The following AUTS2 variants were observed in gnomAD, a reference collection of about 807,000 sequenced individuals.
AUTS2 encodes activator of transcription and developmental regulator AUTS2.
AUTS2 carries 17 observed loss-of-function variants against 112.4 expected under a neutral mutation model. The ratio of observed to expected loss-of-function variants is 0.15; its 90% CI spans 0.10 to 0.23. The LOEUF (loss-of-function observed/expected upper bound fraction) is 0.23. Among genes scored for constraint, AUTS2 ranks in the 10% least tolerant of loss-of-function variants. AUTS2 has a pLI of 1.00. For missense variants in AUTS2, 1,510 were observed against 1,701.6 expected (o/e 0.89, Z 1.98); for synonymous variants, 751 against 702.7 (o/e 1.07, Z -1.09).
intron 1 of AUTS2, among the ~76,000 whole-genome samples, chr7:69,804,141 C>T (rs945215056): frequency 2.6e-5 from 4 of 152,050 alleles, no homozygotes; most frequent in African/African-American, 4.8e-5. Flanking sequence ...CCCTGGTGAG[C>T]AATAAGTTAA....
At chr7:70,110,082 T>C (rs376177208) in intron 2 of AUTS2, among the ~76,000 whole-genome samples, 2 of 152,212 alleles carry the variant, frequency 1.3e-5, no homozygotes, top group Admixed American at 6.5e-5. Flanking sequence ...AGTAGAACAT[T>C]GTTAAGTTCT....
intron 4 of AUTS2, among the ~76,000 whole-genome samples, chr7:70,150,048 A>C (rs1218202828): frequency 6.6e-6 from 1 of 152,096 alleles, no homozygotes; most frequent in Non-Finnish European, 1.5e-5. Flanking sequence ...TTATTAAGCC[A>C]AGATTTATTA....
At chr7:69,692,308 T>A (rs112873703) in intron 1 of AUTS2, among the ~76,000 whole-genome samples, 3 of 152,346 alleles carry the variant, frequency 2.0e-5, no homozygotes, top group African/African-American at 7.2e-5. Flanking sequence ...GAGGAGTTTT[T>A]ATAGAAACAC....
chr7:70,432,695 T>C (rs894377180), intron 4 of AUTS2, among the ~76,000 whole-genome samples: 1 of 152,206 alleles, frequency 6.6e-6, no homozygotes, highest in Non-Finnish European at 1.5e-5. Flanking sequence ...CGCTGTTTGC[T>C]GAGTGCATTT....
At chr7:69,832,044 G>A (rs1012093744) in intron 1 of AUTS2, among the ~76,000 whole-genome samples, 1 of 151,968 alleles carries the variant, frequency 6.6e-6, no homozygotes, top group East Asian at 1.9e-4. Flanking sequence ...TTGAACCTAT[G>A]GTAATCCCTA....
chr7:70,453,511 G>A (rs1024512780), intron 5 of AUTS2, among the ~76,000 whole-genome samples: 5 of 152,186 alleles, frequency 3.3e-5, no homozygotes, highest in African/African-American at 9.6e-5. Flanking sequence ...CAAACTTGGC[G>A]GCTTAAAACA....
At chr7:70,595,102 A>G (rs958286344) in intron 5 of AUTS2, among the ~76,000 whole-genome samples, 7 of 151,734 alleles carry the variant, frequency 4.6e-5, no homozygotes, top group Non-Finnish European at 1.0e-4. Flanking sequence ...GTCTCAAGAA[A>G]AAAAAAAAAG....
In AUTS2 at chr7:70,548,780, C is replaced by T. The variant is rs577220180; in HGVS notation, c.690+112999C>T. On this transcript the variant is annotated intron_variant, in intron 5 of 18. Transcript: ENST00000342771. ...TATATGTCTATCCTTATGTCAGTAC[C>T]AGGCTGTCTTGATTACTATAGCTTT... 3.3e-5 allele frequency among the ~76,000 whole-genome samples: 5 copies of T among 152,176 alleles called. No individual in the cohort carries two copies. The East Asian group carries it at 9.6e-4, about 29-fold the overall frequency.
chr7:70,133,232 G>A (rs1437854768), intron 3 of AUTS2, among the ~76,000 whole-genome samples: 2 of 152,176 alleles, frequency 1.3e-5, no homozygotes, highest in South Asian at 2.1e-4. Flanking sequence ...CTTGTTTGAT[G>A]TAGATATAGT....
chr7:69,982,679 G>A (rs866378491), intron 2 of AUTS2, among the ~76,000 whole-genome samples: 3 of 152,202 alleles, frequency 2.0e-5, no homozygotes, highest in African/African-American at 7.2e-5. Flanking sequence ...CAGTGACAAA[G>A]CATTGGTCCT....
intron 1 of AUTS2, among the ~76,000 whole-genome samples, chr7:69,874,023 A>T (rs377258656): frequency 1.3e-5 from 2 of 152,350 alleles, no homozygotes; most frequent in South Asian, 2.1e-4. Context: ...AAAGCTAAGT[A>T]GAAGATAGCC....
chr7:70,776,854 C>A (rs767902368), intron 13 of AUTS2: 10 of 526,414 alleles, frequency 1.9e-5, no homozygotes, highest in Non-Finnish European at 3.1e-5. Context: ...CCTTGGTAAC[C>A]GGGGAGGCCC....
intron 5 of AUTS2, among the ~76,000 whole-genome samples, chr7:70,685,670 T>C (rs1384774675): frequency 2.0e-5 from 3 of 151,960 alleles, no homozygotes; most frequent in Admixed American, 2.0e-4. Context: ...CTGAGGAACA[T>C]CTAAGGTGGT....
chr7:70,025,574 C>T (rs896146493), intron 2 of AUTS2, among the ~76,000 whole-genome samples: 12 of 151,478 alleles, frequency 7.9e-5, no homozygotes, highest in Non-Finnish European at 1.8e-4. Context: ...GCCTCAGCCT[C>T]TCAAGTAGCT....
At chr7:70,066,980 T>C (rs1031966586) in intron 2 of AUTS2, among the ~76,000 whole-genome samples, 3 of 152,240 alleles carry the variant, frequency 2.0e-5, no homozygotes, top group Admixed American at 6.5e-5. Flanking sequence ...AGTGTGATAA[T>C]ATCGAAGTCA....
intron 4 of AUTS2, among the ~76,000 whole-genome samples, chr7:70,393,808 A>G (rs17456080): frequency 0.026 from 3,890 of 152,028 alleles, 77 homozygotes; most frequent in Middle Eastern, 0.092. Flanking sequence ...TGAGCATCCA[A>G]TTTGTCTCTT....
Position 70,766,559 on chromosome 7 carries a change from G to A in AUTS2, c.1689+225G>A, listed in dbSNP as rs1789960374. 6.6e-6 allele frequency among the ~76,000 whole-genome samples: 1 copy of A among 152,196 alleles called. No homozygotes were observed. The highest frequency in any genetic ancestry group is 1.5e-5 in the Non-Finnish European group (1 of 68,032). On this transcript the variant is annotated intron_variant, in intron 9 of 18. Transcript: ENST00000342771. This position sits in a 1 kb window ranked among gnomAD's most constrained non-coding sequence, Gnocchi z 4.8. The stretch of plus-strand genomic sequence containing the variant: ...TAGGCAGTTGTATCCAGCACTGCGG[G>A]CGGAAATGATTCCATCTGCCCTCAA...
intron 5 of AUTS2, among the ~76,000 whole-genome samples, chr7:70,498,062 A>G (rs1282933574): frequency 6.6e-6 from 1 of 152,308 alleles, no homozygotes; most frequent in East Asian, 1.9e-4. Context: ...GGTAGACAGA[A>G]TGCTGGGAGT....
chr7:70,030,655 A>C lies in AUTS2; in HGVS notation c.523-87477A>C, dbSNP rs141578351. On this transcript the variant is annotated intron_variant, in intron 2 of 18. Transcript: ENST00000342771. ...TAAAGGCAGGTGAGTTGAGCCTCTT[A>C]GTATTTGTCATACACTATGGATTAA... 3.7e-4 allele frequency among the ~76,000 whole-genome samples: 56 copies of C among 152,338 alleles called. 1 individual carries two copies. The East Asian group carries it at 0.01, about 28-fold the overall frequency.
Sources: allele counts gnomAD v4.1 joint callset (sites outside exome capture counted in the v4.1 genomes callset), GRCh38; gene constraint gnomAD v4.1.1; non-coding constraint Gnocchi (gnomAD v3.1); transcripts MANE v1.5; gene names NCBI Gene and HGNC (gene_info 2026-07-23, HGNC 2026-07-21).